Variants in SLC5A1 observed in about 807,000 individuals in gnomAD.
SLC5A1 encodes sodium/glucose cotransporter 1.
Under a neutral mutation model 73.5 loss-of-function variants are expected in SLC5A1, and 42 were observed. The observed-to-expected ratio is 0.57, with a 90% CI of 0.45 to 0.74. The LOEUF (loss-of-function observed/expected upper bound fraction) is 0.74, where lower values mean the gene tolerates loss of function less well. Ranked by LOEUF, SLC5A1 falls within the 30% of genes least tolerant of loss-of-function variation. The pLI, the probability that SLC5A1 is intolerant of heterozygous loss-of-function variation, is 0.00. For missense variants in SLC5A1, 634 were observed against 855.4 expected, an observed-to-expected ratio of 0.74 and a Z score of 3.23; for synonymous variants, 300 against 317.4, an observed-to-expected ratio of 0.95 and a Z score of 0.58.
chr22:32,061,001 C>T (rs907944335), intron 2 of SLC5A1, among the ~76,000 whole-genome samples: 1 of 152,096 alleles, frequency 6.6e-6, no homozygotes, highest in Non-Finnish European at 1.5e-5. Context: ...CTTTGTTGGG[C>T]ATAAGAATCA....
chr22:32,110,919 C>T lies in SLC5A1; in HGVS notation c.*706C>T, dbSNP rs1056444. Reference sequence around the variant, plus strand: ...CTTAAAATGTCCATTGTGAGTTCCCCGTGTTTGGGATTCCACTCATTTTGG... The same window carrying T: ...CTTAAAATGTCCATTGTGAGTTCCCTGTGTTTGGGATTCCACTCATTTTGG... On this transcript the variant is annotated 3_prime_UTR_variant, in exon 15 of 15. Coordinates refer to ENST00000266088, the MANE Select transcript of SLC5A1 (RefSeq NM_000343.4). The T allele has an allele frequency of 0.58, 88,782 of 153,132 alleles. 27,899 individuals are homozygous for T. The highest frequency in any genetic ancestry group is 0.84 in the African/African-American group (35,042 of 41,496). The allele number at this position is 153,132 out of a possible 1,614,324, so 9.5% of individuals were successfully genotyped here.
At chr22:32,077,690 A>C (rs1478234643) in intron 5 of SLC5A1, among the ~76,000 whole-genome samples, 1 of 152,218 alleles carries the variant, frequency 6.6e-6, no homozygotes, top group East Asian at 1.9e-4. Flanking sequence ...TTTGTAGAAA[A>C]GAAATAAAAC....
intron 5 of SLC5A1, among the ~76,000 whole-genome samples, chr22:32,070,719 T>TA (rs1175695274): frequency 2.0e-5 from 3 of 152,074 alleles, no homozygotes; most frequent in South Asian, 4.2e-4. Flanking sequence ...AAAGCAACAA[T>TA]AAAAAAACAC....
chr22:32,079,855 A>G (rs921779742), intron 5 of SLC5A1, among the ~76,000 whole-genome samples: 7 of 152,168 alleles, frequency 4.6e-5, no homozygotes, highest in Non-Finnish European at 7.4e-5. Flanking sequence ...AGAAGTGGCC[A>G]TTTCACTTTT....
chr22:32,096,551 A>G (rs1466240738), intron 11 of SLC5A1, among the ~76,000 whole-genome samples: 1 of 152,214 alleles, frequency 6.6e-6, no homozygotes, highest in African/African-American at 2.4e-5. Flanking sequence ...GCTTGTGAAT[A>G]TACTCTGTAA....
At chr22:32,069,193 A>C (rs1249854739) in intron 5 of SLC5A1, among the ~76,000 whole-genome samples, 1 of 152,200 alleles carries the variant, frequency 6.6e-6, no homozygotes, top group Non-Finnish European at 1.5e-5. Flanking sequence ...CAGAAAGACA[A>C]ATACAGCATA....
chr22:32,064,780 CCT>C (rs2093969878), intron 2 of SLC5A1, among the ~76,000 whole-genome samples: 1 of 152,106 alleles, frequency 6.6e-6, no homozygotes, highest in African/African-American at 2.4e-5. Context: ...GCCACTGTCC[CCT>C]CTCACCTAAG....
At chr22:32,061,461 T>C (rs1234315482) in intron 2 of SLC5A1, among the ~76,000 whole-genome samples, 3 of 152,036 alleles carry the variant, frequency 2.0e-5, no homozygotes, top group East Asian at 1.9e-4. Context: ...CCTGATGTTT[T>C]TGGTTTAGGT....
chr22:32,086,101 A>C, intron 9 of SLC5A1, 119 bp from the exon 10 acceptor site: 1 of 711,530 alleles, frequency 1.4e-6, no homozygotes, highest in South Asian at 1.4e-5. Context: ...AGATCGTGCC[A>C]CTGCACTCCA....
chr22:32,086,380 GT>G, intron 10 of SLC5A1, 53 bp downstream of exon 10: 1 of 1,188,288 alleles, frequency 8.4e-7, no homozygotes, highest in Non-Finnish European at 1.3e-6. Context: ...GGCTGATTGG[GT>G]TTAGGCACCA....
At chr22:32,089,598 G>C (rs1015498836) in intron 10 of SLC5A1, among the ~76,000 whole-genome samples, 13 of 152,192 alleles carry the variant, frequency 8.5e-5, no homozygotes, top group African/African-American at 3.1e-4. Flanking sequence ...AATGGATAAG[G>C]AGTAAGACCT....
intron 2 of SLC5A1, among the ~76,000 whole-genome samples, chr22:32,062,858 T>C (rs1029680854): frequency 6.6e-6 from 1 of 152,182 alleles, no homozygotes; most frequent in Non-Finnish European, 1.5e-5. Flanking sequence ...GTGTCTGTCT[T>C]AGTTGGCTCA....
chr22:32,079,561 T>C lies in SLC5A1; in HGVS notation c.478-2305T>C, dbSNP rs896207339. On this transcript the variant is annotated intron_variant, in intron 5 of 14. Coordinates refer to ENST00000266088, the MANE Select transcript of SLC5A1 (RefSeq NM_000343.4). ...TTAATGAGGGTATCACAGTCTACGA[T>C]GGCATGTTGTCATAAAGCATTAAAA... Among the ~76,000 whole-genome samples, 4 of 152,224 alleles carry C rather than the reference T, an allele frequency of 2.6e-5. No homozygotes were observed. In the East Asian group the frequency reaches 7.7e-4, roughly 29 times the overall value.
chr22:32,076,811 A>G (rs1030329001), intron 5 of SLC5A1, among the ~76,000 whole-genome samples: 3 of 152,198 alleles, frequency 2.0e-5, no homozygotes, highest in Admixed American at 1.3e-4. Context: ...CAAGCTCCCA[A>G]TCAGAGACTC....
At chr22:32,097,853 G>A (rs2094028893) in intron 11 of SLC5A1, among the ~76,000 whole-genome samples, 1 of 152,134 alleles carries the variant, frequency 6.6e-6, no homozygotes, top group Admixed American at 6.5e-5. Flanking sequence ...GAAAATATTT[G>A]TTAAACATAT....
chr22:32,080,978 A>G (rs952491436), intron 5 of SLC5A1, among the ~76,000 whole-genome samples: 1 of 152,186 alleles, frequency 6.6e-6, no homozygotes, highest in African/African-American at 2.4e-5. Flanking sequence ...CGGGCGACAG[A>G]GTGAGACTCT....
chr22:32,099,508 T>C (rs944416106), intron 12 of SLC5A1, among the ~76,000 whole-genome samples, 157 bp downstream of exon 12: 14 of 151,090 alleles, frequency 9.3e-5, no homozygotes, highest in African/African-American at 2.7e-4. Context: ...CCAGGGACCA[T>C]GGGGCTCTCT....
chr22:32,084,363 C>A, intron 7 of SLC5A1, 76 bp from the exon 8 acceptor site: 1 of 1,332,924 alleles, frequency 7.5e-7, no homozygotes, highest in Non-Finnish European at 1.1e-6. Context: ...CTCAGTTTCT[C>A]AGGCATCTAT....
intron 2 of SLC5A1, among the ~76,000 whole-genome samples, chr22:32,054,774 G>A (rs2093949387): frequency 6.6e-6 from 1 of 152,178 alleles, no homozygotes; most frequent in East Asian, 1.9e-4. Context: ...CCAGGTTCAA[G>A]CAATTCTCCT....
Sources: allele counts gnomAD v4.1 joint callset (sites outside exome capture counted in the v4.1 genomes callset), GRCh38; gene constraint gnomAD v4.1.1; transcripts MANE v1.5; gene names NCBI Gene and HGNC (gene_info 2026-07-23, HGNC 2026-07-21).